Variants in ARHGEF28 observed in about 807,000 individuals in gnomAD.
The protein encoded by ARHGEF28 is Rho guanine nucleotide exchange factor 28, also known as 190 kDa guanine nucleotide exchange factor.
In ARHGEF28, 152 loss-of-function variants were observed where a neutral mutation model predicts 206.6. That is an observed-to-expected ratio of 0.74 (90% CI 0.64 to 0.84). The LOEUF (loss-of-function observed/expected upper bound fraction) is 0.84, where lower values mean the gene tolerates loss of function less well. Among genes scored for constraint, ARHGEF28 ranks in the 40% least tolerant of loss-of-function variants. The pLI is 0.00. For synonymous variants in ARHGEF28, 763 were observed against 776.4 expected, an observed-to-expected ratio of 0.98 and a Z score of 0.29; for missense variants, 2,028 against 2,073.2, an observed-to-expected ratio of 0.98 and a Z score of 0.42.
Position 73,909,777 on chromosome 5 carries a change from G to C in ARHGEF28, c.4527G>C (p.Glu1509Asp), listed in dbSNP as rs771593842. 1 of 1,514,818 alleles carries C rather than the reference G, an allele frequency of 6.6e-7. No homozygotes were observed. The highest frequency in any genetic ancestry group is 8.8e-7 in the Non-Finnish European group (1 of 1,134,764). 93.8% of individuals were successfully genotyped at this position (1,514,818 alleles called of 1,614,324 possible). The change falls in exon 34 of 36, where the codon GAG becomes GAC. Residue 1509 changes from glutamate to aspartate, a missense_variant. Glu to Asp is a conservative substitution (Grantham distance 45). Coordinates refer to ENST00000513042, the MANE Select transcript of ARHGEF28 (RefSeq NM_001177693.2). ...EYQHSLERLR[E>D]GQRLVEREQA... ...AGCACAGCCTGGAGCGGCTGAGGGA[G>C]GGCCAGCGCCTGGTGGAGAGGGAGC...
chr5:73,915,596 C>T (rs894579939), intron 35 of ARHGEF28, among the ~76,000 whole-genome samples: 3 of 152,010 alleles, frequency 2.0e-5, no homozygotes, highest in Admixed American at 6.6e-5. Flanking sequence ...ATGTAATCGG[C>T]CCTATGAGAT....
chr5:73,659,484 C>T (rs1056592428), intron 1 of ARHGEF28, among the ~76,000 whole-genome samples: 4 of 151,062 alleles, frequency 2.6e-5, no homozygotes, highest in Admixed American at 6.6e-5. Context: ...GAGCCGAGAT[C>T]GGCCACTGCA....
At chr5:73,834,826 C>T (rs1757522805) in intron 10 of ARHGEF28, among the ~76,000 whole-genome samples, 1 of 151,918 alleles carries the variant, frequency 6.6e-6, no homozygotes, top group Non-Finnish European at 1.5e-5. Context: ...GAAGGCTATA[C>T]TAGCAGGTTT....
At chr5:73,777,247 CTCTT>C (rs1288500240) in intron 6 of ARHGEF28, among the ~76,000 whole-genome samples, 1 of 150,174 alleles carries the variant, frequency 6.7e-6, no homozygotes, top group Non-Finnish European at 1.5e-5. Context: ...AACTTTATCT[CTCTT>C]TTTTTTTTTG....
intron 5 of ARHGEF28, among the ~76,000 whole-genome samples, chr5:73,774,975 G>A (rs1273981248): frequency 2.6e-5 from 4 of 152,152 alleles, no homozygotes; most frequent in Non-Finnish European, 4.4e-5. Flanking sequence ...TAGTTATGTA[G>A]TACATAAGTG....
rs772182977 is a variant in ARHGEF28, at chr5:73,886,104, G to A, written c.3310G>A (p.Asp1104Asn). The change falls in exon 25 of 36, where the codon GAT becomes AAT. Residue 1104 changes from aspartate to asparagine, a missense_variant and splice_region_variant. Asp to Asn is a conservative substitution (Grantham distance 23, BLOSUM62 1). Coordinates refer to ENST00000513042, the MANE Select transcript of ARHGEF28 (RefSeq NM_001177693.2). ...GAAAACTGCTACAGGTCGTTTCAAA[G>A]GTACTGTGGCTCTACCAGACCAATT... is the stretch of plus-strand genomic sequence containing the variant. ...YWKTATGRFK[D>N]ILALLLTDVL... 6.2e-7 allele frequency: 1 copy of A among 1,610,052 alleles called. No individual in the cohort carries two copies. Among genetic ancestry groups the A allele is most frequent in the Non-Finnish European group, 8.5e-7 (1 of 1,177,932 alleles).
chr5:73,639,903 A>G (rs1743960822), intron 1 of ARHGEF28, among the ~76,000 whole-genome samples: 1 of 152,216 alleles, frequency 6.6e-6, no homozygotes, highest in African/African-American at 2.4e-5. Context: ...ATAAAAATGA[A>G]TACTGTGTAT....
chr5:73,720,732 T>G (rs1749890115), intron 2 of ARHGEF28, among the ~76,000 whole-genome samples: 2 of 152,206 alleles, frequency 1.3e-5, no homozygotes, highest in African/African-American at 4.8e-5. Flanking sequence ...TAGCCTTGTT[T>G]ATTGTTCTTC....
At chr5:73,796,706 G>A (rs1419378579) in intron 9 of ARHGEF28, among the ~76,000 whole-genome samples, 1 of 152,184 alleles carries the variant, frequency 6.6e-6, no homozygotes, top group African/African-American at 2.4e-5. Flanking sequence ...CCCACACTAA[G>A]CAATATACAC....
intron 1 of ARHGEF28, among the ~76,000 whole-genome samples, chr5:73,628,839 T>G (rs1047441878): frequency 4.0e-5 from 6 of 151,882 alleles, no homozygotes; most frequent in Admixed American, 3.9e-4. Flanking sequence ...GTAGGTCAGG[T>G]CCTGTATCAC....
At chr5:73,888,587 A>G (rs946611722) in intron 26 of ARHGEF28, among the ~76,000 whole-genome samples, 1 of 152,222 alleles carries the variant, frequency 6.6e-6, no homozygotes, top group Admixed American at 6.5e-5. Flanking sequence ...CCAAAGACCT[A>G]AAAGAAAAGC....
intron 35 of ARHGEF28, among the ~76,000 whole-genome samples, chr5:73,928,386 A>G (rs1763933291): frequency 6.6e-6 from 1 of 152,240 alleles, no homozygotes; most frequent in Non-Finnish European, 1.5e-5. Context: ...ACTGCACTCC[A>G]GCCTGGGTGA....
intron 10 of ARHGEF28, among the ~76,000 whole-genome samples, chr5:73,832,836 G>A (rs1757385518): frequency 6.6e-6 from 1 of 152,190 alleles, no homozygotes. Flanking sequence ...TTCAAATCCA[G>A]CAAATGTAAT....
At position 73,749,972 on chromosome 5, in the gene ARHGEF28, T is replaced by C; in HGVS notation, c.169T>C (p.Ser57Pro). 1 of 1,613,886 alleles carries C rather than the reference T, an allele frequency of 6.2e-7. No homozygotes were observed. Among genetic ancestry groups the C allele is most frequent in the Non-Finnish European group, 8.5e-7 (1 of 1,179,854 alleles). Residue 57 changes from serine (S) to proline (P), a missense_variant, in exon 3 of 36, where the codon TCC becomes CCC. Ser to Pro is a moderately conservative substitution (Grantham distance 74). Around this residue, in one of 3 missense-constraint regions of ARHGEF28, gnomAD observed 1,002 missense variants for 1,015.3 expected, o/e 0.99. Transcript: ENST00000513042. ...GCGCATCGAGGATAACGTTCTCCAGTCCAGCGTCCCAGGTGAGGTGTCCTC... is the reference window on the plus strand; with the variant it reads ...GCGCATCGAGGATAACGTTCTCCAGCCCAGCGTCCCAGGTGAGGTGTCCTC... ...AERIEDNVLQ[S>P]SVPGHGLQET...
At chr5:73,870,501 G>A (rs1760037007) in intron 21 of ARHGEF28, among the ~76,000 whole-genome samples, 1 of 152,184 alleles carries the variant, frequency 6.6e-6, no homozygotes, top group South Asian at 2.1e-4. Flanking sequence ...CTGGCACAGA[G>A]CAAATGTTAT....
chr5:73,721,817 T>C (rs1749966853), intron 2 of ARHGEF28, among the ~76,000 whole-genome samples: 1 of 152,208 alleles, frequency 6.6e-6, no homozygotes, highest in South Asian at 2.1e-4. Context: ...TGATTTTTGA[T>C]CACATAACTA....
chr5:73,782,997 C>A (rs1193174143), intron 7 of ARHGEF28, among the ~76,000 whole-genome samples: 1 of 152,110 alleles, frequency 6.6e-6, no homozygotes, highest in East Asian at 1.9e-4. Context: ...AATCCTCTTG[C>A]AAATTTTTCC....
At chr5:73,851,861 A>G (rs531026945) in intron 13 of ARHGEF28, among the ~76,000 whole-genome samples, 1 of 152,210 alleles carries the variant, frequency 6.6e-6, no homozygotes, top group East Asian at 1.9e-4. Flanking sequence ...GGGGATATGT[A>G]TTTGTTTTCC....
chr5:73,829,076 T>C (rs59621886), intron 9 of ARHGEF28, among the ~76,000 whole-genome samples: 24,115 of 152,230 alleles, frequency 0.16, 1,995 homozygotes, highest in African/African-American at 0.18. Flanking sequence ...CTGCCTCAGT[T>C]TCACAAATTG....
Sources: allele counts gnomAD v4.1 joint callset (sites outside exome capture counted in the v4.1 genomes callset), GRCh38; gene constraint gnomAD v4.1.1; regional missense constraint gnomAD v4.1.1; transcripts MANE v1.5; gene names NCBI Gene and HGNC (gene_info 2026-07-23, HGNC 2026-07-21).